HGD: variants seen among roughly 807,000 people sequenced by gnomAD.
The protein encoded by HGD is homogentisate 1,2-dioxygenase.
Under a neutral mutation model 60.8 loss-of-function variants are expected in HGD, and 61 were observed. The observed-to-expected ratio is 1.00, with a 90% CI of 0.82 to 1.24. HGD has a LOEUF of 1.24. Among genes scored for constraint, HGD ranks in the 50% most tolerant of loss-of-function variants. The pLI, the probability that HGD is intolerant of heterozygous loss-of-function variation, is 0.00. For missense variants in HGD, 542 were observed against 547.1 expected (o/e 0.99, Z 0.09); for synonymous variants, 212 against 187.7 (o/e 1.13, Z -1.06).
At chr3:120,676,629 CGATT>C (rs768692551) in intron 1 of HGD, among the ~76,000 whole-genome samples, 55 of 152,222 alleles carry the variant, frequency 3.6e-4, no homozygotes, top group Non-Finnish European at 6.6e-4. Context: ...GGAAATTTGT[CGATT>C]GATTGAATTT....
chr3:120,659,543 C>G (rs974330654), intron 4 of HGD, among the ~76,000 whole-genome samples: 5 of 152,182 alleles, frequency 3.3e-5, no homozygotes, highest in African/African-American at 7.2e-5. Flanking sequence ...CTTTATTGTT[C>G]ATGTCACTAT....
chr3:120,666,289 A>G (rs1043323818), intron 4 of HGD, among the ~76,000 whole-genome samples: 1 of 152,172 alleles, frequency 6.6e-6, no homozygotes. Flanking sequence ...GAAGAAATTC[A>G]TTTGGTGGCT....
chr3:120,676,106 C>T (rs1708125756), intron 1 of HGD, among the ~76,000 whole-genome samples: 1 of 152,138 alleles, frequency 6.6e-6, no homozygotes, highest in South Asian at 2.1e-4. Flanking sequence ...CTTCTCCACC[C>T]TTAGCTGTAC....
intron 9 of HGD, among the ~76,000 whole-genome samples, chr3:120,645,808 G>T (rs1489229405): frequency 6.6e-6 from 1 of 152,076 alleles, no homozygotes; most frequent in African/African-American, 2.4e-5. Flanking sequence ...AAATCTCACT[G>T]ACTTAACAAA....
intron 12 of HGD, among the ~76,000 whole-genome samples, chr3:120,637,947 T>C (rs1002579305): frequency 2.0e-5 from 3 of 152,112 alleles, no homozygotes; most frequent in African/African-American, 7.2e-5. Flanking sequence ...TTGAGGTGTT[T>C]GGGTAATGGA....
At position 120,650,838 on chromosome 3, in the gene HGD, C is replaced by T; in HGVS notation, c.370G>A (p.Asp124Asn). 1 of 1,614,036 alleles carries T rather than the reference C, an allele frequency of 6.2e-7. No homozygotes were observed. Among genetic ancestry groups the T allele is most frequent in the Non-Finnish European group, 8.5e-7 (1 of 1,179,904 alleles). The change falls in exon 6 of 14, where the codon GAC (aspartate) becomes AAC (asparagine). Residue 124 changes from aspartate (D) to asparagine (N), a missense_variant. Asp to Asn is a conservative substitution (Grantham distance 23, BLOSUM62 1). Around this residue, in one of 2 missense-constraint regions of HGD, gnomAD observed 537 missense variants for 529.1 expected, o/e 1.01. Coordinates refer to ENST00000283871, the MANE Select transcript of HGD (RefSeq NM_000187.4). ...GCAAGCCCATTGTTAGACTTTATGT[C>T]TCCAGCTCCACACAAGGTATGCAGG... The part of the protein sequence containing the change: ...SGLHTLCGAG[D>N]IKSNNGLAIH...
At position 120,646,270 on chromosome 3, in the gene HGD, T is replaced by C. The variant is rs1302460100; in HGVS notation, c.646A>G (p.Ile216Val). 1.4e-5 allele frequency: 22 copies of C among 1,591,738 alleles called. No individual in the cohort carries two copies. Among genetic ancestry groups the C allele is most frequent in the African/African-American group, 2.7e-5 (2 of 74,436 alleles). The change falls in exon 9 of 14, where the codon ATT becomes GTT. Residue 216 changes from isoleucine to valine, a missense_variant. Ile to Val is a conservative substitution (Grantham distance 29). Transcript: ENST00000283871. Reference protein sequence around the residue: ...VHFELPDLGPIGANGLANPRD... With the variant: ...VHFELPDLGPVGANGLANPRD... ...GAGGCTTGTAATGAAGATTTACCAA[T>C]TGGTCCAAGGTCAGGTAACTCAAAG...
At chr3:120,628,654 C>T in intron 13 of HGD, 125 bp from the exon 14 acceptor site, 10 of 1,155,504 alleles carry the variant, frequency 8.7e-6, no homozygotes, top group South Asian at 1.3e-5. Context: ...GATTTGTGTG[C>T]TAGAGTGGTG....
At position 120,681,811 on chromosome 3, in the gene HGD, C is replaced by T. The variant is rs143962779; in HGVS notation, c.15+286G>A. Reference sequence around the variant, plus strand: ...AGACATAGAGAGAAACGTGCATGTCCGTAGTGGAGGGGAGCTCTTAGGATG... The same window carrying T: ...AGACATAGAGAGAAACGTGCATGTCTGTAGTGGAGGGGAGCTCTTAGGATG... On this transcript the variant is annotated intron_variant, in intron 1 of 13. Coordinates refer to ENST00000283871, the MANE Select transcript of HGD (RefSeq NM_000187.4). Among the ~76,000 whole-genome samples the T allele has an allele frequency of 3.9e-3, 597 of 152,248 alleles. 3 individuals are homozygous for T. The highest frequency in any genetic ancestry group is 0.013 in the African/African-American group (546 of 41,526).
chr3:120,632,870 T>A (rs776158901), intron 13 of HGD, among the ~76,000 whole-genome samples: 3 of 152,164 alleles, frequency 2.0e-5, no homozygotes, highest in Non-Finnish European at 2.9e-5. Flanking sequence ...AGAAGCTAAG[T>A]GAGTTGTTCA....
intron 4 of HGD, among the ~76,000 whole-genome samples, chr3:120,656,571 G>GC (rs1424797319): frequency 6.6e-6 from 1 of 150,996 alleles, no homozygotes. Context: ...TTTGGGGGGG[G>GC]GTTGGAGTCG....
At chr3:120,660,113 C>G (rs1341216448) in intron 4 of HGD, among the ~76,000 whole-genome samples, 1 of 152,092 alleles carries the variant, frequency 6.6e-6, no homozygotes, top group Non-Finnish European at 1.5e-5. Context: ...ACCTTGCTCC[C>G]CCTTTGCCTT....
chr3:120,658,655 T>G (rs1205547643), intron 4 of HGD, among the ~76,000 whole-genome samples: 4 of 152,240 alleles, frequency 2.6e-5, no homozygotes. Context: ...GGGGACTCTG[T>G]GTGGGAGCTC....
chr3:120,655,056 G>A (rs1295564243), intron 4 of HGD, among the ~76,000 whole-genome samples: 1 of 152,142 alleles, frequency 6.6e-6, no homozygotes, highest in Non-Finnish European at 1.5e-5. Context: ...GGGTGACAGA[G>A]TGAGACTCTG....
chr3:120,640,839 C>T (rs747324900), intron 11 of HGD, among the ~76,000 whole-genome samples: 3 of 152,138 alleles, frequency 2.0e-5, no homozygotes, highest in Non-Finnish European at 4.4e-5. Context: ...ACTGAACTGG[C>T]TCACAATAAT....
intron 10 of HGD, among the ~76,000 whole-genome samples, chr3:120,642,979 G>T (rs1379002096): frequency 6.6e-6 from 1 of 152,206 alleles, no homozygotes; most frequent in Non-Finnish European, 1.5e-5. Flanking sequence ...AAACCTTTCG[G>T]AGGAGCTACT....
chr3:120,665,790 C>T (rs926851050), intron 4 of HGD, among the ~76,000 whole-genome samples: 4 of 152,154 alleles, frequency 2.6e-5, no homozygotes, highest in African/African-American at 9.7e-5. Context: ...TCTTCAAATT[C>T]CCAGAGATGA....
intron 5 of HGD, among the ~76,000 whole-genome samples, chr3:120,651,373 G>A (rs1221707193): frequency 6.6e-6 from 1 of 152,170 alleles, no homozygotes; most frequent in Non-Finnish European, 1.5e-5. Flanking sequence ...TCTGCTGTGT[G>A]ACCAGATGAT....
rs374040969 is a variant in HGD at position 120,670,548 on chromosome 3, T to A, written c.177-16A>T. 7.7e-7 allele frequency: 1 copy of A among 1,296,278 alleles called. No individual in the cohort carries two copies. Among genetic ancestry groups the A allele is most frequent in the South Asian group, 1.2e-5 (1 of 84,764 alleles). 80.3% of individuals were successfully genotyped at this position (1,296,278 alleles called of 1,614,324 possible). On this transcript the variant is annotated splice_polypyrimidine_tract_variant and intron_variant, in intron 3 of 13. Coordinates refer to ENST00000283871, the MANE Select transcript of HGD (RefSeq NM_000187.4). Reference sequence around the variant, plus strand: ...ATACAGCCAGCTAGAGGGAAAAACATACAAGATATACAAGCCTTAGAGTAA... The same window carrying A: ...ATACAGCCAGCTAGAGGGAAAAACAAACAAGATATACAAGCCTTAGAGTAA...
Sources: gnomAD v4.1 joint callset for allele counts (sites outside exome capture counted in the v4.1 genomes callset) on GRCh38, gnomAD v4.1.1 for gene constraint, gnomAD v4.1.1 regional missense constraint, MANE v1.5 for transcripts, NCBI Gene and HGNC (gene_info 2026-07-23, HGNC 2026-07-21) for gene names.